ATP11C: variants seen among roughly 807,000 people sequenced by gnomAD.
ATP11C encodes phospholipid-transporting ATPase IG.
In ATP11C, 36 loss-of-function variants were observed where a neutral mutation model predicts 97.4. The ratio of observed to expected loss-of-function variants is 0.37; its 90% CI spans 0.28 to 0.49. ATP11C has a LOEUF of 0.49. Ranked by LOEUF, ATP11C falls within the 20% of genes least tolerant of loss-of-function variation. ATP11C has a pLI of 0.98. For synonymous variants in ATP11C, 275 were observed against 290.9 expected (o/e 0.95, Z 0.56); for missense variants, 730 against 824.6 (o/e 0.89, Z 1.40).
intron 1 of ATP11C, among the ~76,000 whole-genome samples, chrX:139,905,176 T>C (rs1439462369): frequency 1.8e-5 from 2 of 112,318 alleles, no homozygotes; most frequent in African/African-American, 6.5e-5. Flanking sequence ...GAATTGAATT[T>C]TTCCCTATGG....
intron 19 of ATP11C, among the ~76,000 whole-genome samples, chrX:139,769,782 T>C (rs2082217635): frequency 9.0e-6 from 1 of 111,088 alleles, no homozygotes; most frequent in African/African-American, 3.3e-5. Context: ...AAGTTTAACG[T>C]GCAAAGGAAT....
At chrX:139,806,606 G>T (rs1004476956) in intron 5 of ATP11C, among the ~76,000 whole-genome samples, 4 of 111,206 alleles carry the variant, frequency 3.6e-5, no homozygotes, top group African/African-American at 1.3e-4. Flanking sequence ...CTGGGTGTGA[G>T]CTAGTATGAC....
intron 5 of ATP11C, among the ~76,000 whole-genome samples, chrX:139,814,209 A>G (rs2083236121): frequency 9.0e-6 from 1 of 111,429 alleles, no homozygotes; most frequent in African/African-American, 3.3e-5. Flanking sequence ...ATAATAAACA[A>G]TGATTAACTG....
chrX:139,795,798 T>C (rs1170972386), intron 12 of ATP11C, among the ~76,000 whole-genome samples: 1 of 111,773 alleles, frequency 8.9e-6, no homozygotes, highest in Non-Finnish European at 1.9e-5. Flanking sequence ...ATTGAAATTC[T>C]TGTACTGGAA....
intron 25 of ATP11C, among the ~76,000 whole-genome samples, chrX:139,745,275 G>A (rs970242456): frequency 2.7e-5 from 3 of 111,368 alleles, no homozygotes; most frequent in Non-Finnish European, 5.7e-5. Context: ...ATTGGGAAGA[G>A]GAGGGAGAGA....
chrX:139,770,057 T>G, intron 19 of ATP11C, among the ~76,000 whole-genome samples: 1 of 112,269 alleles, frequency 8.9e-6, no homozygotes, highest in Middle Eastern at 4.6e-3. Context: ...AATGATGTGT[T>G]CTCTTTCTTT....
intron 6 of ATP11C, among the ~76,000 whole-genome samples, chrX:139,802,825 A>C (rs770819959): frequency 8.9e-6 from 1 of 112,182 alleles, no homozygotes; most frequent in African/African-American, 3.2e-5. Context: ...CATTACACAA[A>C]TAGCTTAATT....
At position 139,792,505 on chromosome X, in the gene ATP11C, G is replaced by C. The variant is rs190132737; in HGVS notation, c.1207-3017C>G. Reference sequence around the variant, plus strand: ...ACGTTACAACCTGAATTAGCAACTGGCATCTGAAGTGGGGGGCAGTCTTAT... The same window carrying C: ...ACGTTACAACCTGAATTAGCAACTGCCATCTGAAGTGGGGGGCAGTCTTAT... On this transcript the variant is annotated intron_variant, in intron 12 of 29. Transcript: ENST00000682941. 5.0e-4 allele frequency among the ~76,000 whole-genome samples: 56 copies of C among 111,020 alleles called. No individual in the cohort carries two copies. In the East Asian group the frequency reaches 0.011, roughly 22 times the overall value.
intron 1 of ATP11C, among the ~76,000 whole-genome samples, chrX:139,881,836 C>T (rs957947006): frequency 1.8e-5 from 2 of 111,883 alleles, no homozygotes; most frequent in Admixed American, 9.5e-5. Context: ...TCAGGAAATA[C>T]TCAAAACATT....
chrX:139,931,460 G>A (rs2085431966), intron 1 of ATP11C, among the ~76,000 whole-genome samples: 1 of 111,937 alleles, frequency 8.9e-6, no homozygotes, highest in South Asian at 3.7e-4. Context: ...CCCTAAAGGT[G>A]AGCTTTGTAG....
chrX:139,737,818 G>T, intron 28 of ATP11C, 98 bp downstream of exon 28: 1 of 860,966 alleles, frequency 1.2e-6, no homozygotes, highest in Non-Finnish European at 1.7e-6. Context: ...GGTTTAACAT[G>T]CTGTAACTAA....
At chrX:139,801,818 A>C (rs190943760) in intron 7 of ATP11C, among the ~76,000 whole-genome samples, 1 of 112,053 alleles carries the variant, frequency 8.9e-6, no homozygotes. Context: ...TTAGTGCATC[A>C]TGATCATTCT....
At chrX:139,848,937 T>C (rs1163006830) in intron 1 of ATP11C, among the ~76,000 whole-genome samples, 1 of 112,167 alleles carries the variant, frequency 8.9e-6, no homozygotes, top group Non-Finnish European at 1.9e-5. Flanking sequence ...AAAAAATTAA[T>C]GTCATTACAA....
chrX:139,845,957 T>C (rs984137502), intron 1 of ATP11C, among the ~76,000 whole-genome samples: 5 of 112,406 alleles, frequency 4.4e-5, no homozygotes, highest in African/African-American at 9.7e-5. Context: ...TACACCACTA[T>C]AGAGATCGCT....
chrX:139,753,206 G>A (rs2081859348), intron 23 of ATP11C, among the ~76,000 whole-genome samples: 1 of 110,381 alleles, frequency 9.1e-6, no homozygotes, highest in Non-Finnish European at 1.9e-5. Flanking sequence ...CTCTAAAATC[G>A]ACCACACAAT....
At chrX:139,931,286 G>A (rs555593527) in intron 1 of ATP11C, among the ~76,000 whole-genome samples, 4 of 112,208 alleles carry the variant, frequency 3.6e-5, no homozygotes, top group African/African-American at 9.7e-5. Flanking sequence ...GGACGGAGGA[G>A]TCCAGTCACA....
chrX:139,871,065 A>G lies in ATP11C; in HGVS notation c.28-44242T>C, dbSNP rs1050217487. Reference sequence around the variant, plus strand: ...GCGACAGAGCGAGACTCCGTCTCAAAAAAAAAAAAAAAAAAAAAAGATACA... The same window carrying G: ...GCGACAGAGCGAGACTCCGTCTCAAGAAAAAAAAAAAAAAAAAAAGATACA... On this transcript the variant is annotated intron_variant, in intron 1 of 29. Coordinates refer to ENST00000682941, the MANE Select transcript of ATP11C (RefSeq NM_001353812.2). Among the ~76,000 whole-genome samples, 4 of 94,243 alleles carry G rather than the reference A, an allele frequency of 4.2e-5. 1 individual carries two copies. The East Asian group carries it at 1.6e-3, about 37-fold the overall frequency. 81.8% of individuals were successfully genotyped at this position (94,243 alleles called of 115,157 possible).
intron 1 of ATP11C, among the ~76,000 whole-genome samples, chrX:139,894,342 T>C (rs1209559127): frequency 1.8e-5 from 2 of 112,210 alleles, no homozygotes; most frequent in East Asian, 5.6e-4. Flanking sequence ...ACAGAAAAGG[T>C]CTCACTTAAG....
chrX:139,737,703 A>G (rs902133577), intron 28 of ATP11C: 2 of 483,142 alleles, frequency 4.1e-6, no homozygotes, highest in Non-Finnish European at 7.6e-6. Context: ...CGAAGGTCAC[A>G]TAGAACACTA....
Sources: gnomAD v4.1 joint callset for allele counts (sites outside exome capture counted in the v4.1 genomes callset) on GRCh38, gnomAD v4.1.1 for gene constraint, MANE v1.5 for transcripts, NCBI Gene and HGNC (gene_info 2026-07-23, HGNC 2026-07-21) for gene names.